The following VPS13B variants were observed in gnomAD, a reference collection of about 807,000 sequenced individuals.
VPS13B encodes the protein intermembrane lipid transfer protein VPS13B.
In VPS13B, 285 loss-of-function variants were observed where a neutral mutation model predicts 426.4. The ratio of observed to expected loss-of-function variants is 0.67; its 90% CI spans 0.61 to 0.74. The LOEUF (loss-of-function observed/expected upper bound fraction) is 0.74, where lower values mean the gene tolerates loss of function less well. VPS13B is among the 30% of genes least tolerant of loss of function. VPS13B has a pLI of 0.00. For synonymous variants in VPS13B, 1,676 were observed against 1,676.4 expected (o/e 1.00, Z 0.01); for missense variants, 4,537 against 4,782.6 (o/e 0.95, Z 1.51).
intron 43 of VPS13B, 149 bp from the exon 44 acceptor site, chr8:99,809,226 G>A: frequency 1.0e-6 from 1 of 963,328 alleles, no homozygotes. Flanking sequence ...GGTGGAATAA[G>A]TTGGAAGTGG....
intron 33 of VPS13B, among the ~76,000 whole-genome samples, chr8:99,606,836 G>C (rs1422683374): frequency 6.6e-6 from 1 of 151,966 alleles, no homozygotes; most frequent in Non-Finnish European, 1.5e-5. Flanking sequence ...ATGGCTTATG[G>C]TATTCTTCCT....
Position 99,394,886 on chromosome 8 carries a change from A to G in VPS13B, c.3082+3182A>G, listed in dbSNP as rs531872511. Among the ~76,000 whole-genome samples, 37 of 152,360 alleles carry G rather than the reference A, an allele frequency of 2.4e-4. No homozygotes were observed. The Middle Eastern group carries it at 0.031, about 126-fold the overall frequency. ...AAATGAAGACATGTGATAATGATGT[A>G]GATTTGGTAGATAATACTATAAATT... On this transcript the variant is annotated intron_variant, in intron 21 of 61. Transcript: ENST00000357162.
At chr8:99,322,775 T>C (rs1588249897) in intron 19 of VPS13B, among the ~76,000 whole-genome samples, 1 of 152,166 alleles carries the variant, frequency 6.6e-6, no homozygotes, top group Non-Finnish European at 1.5e-5. Flanking sequence ...GAAGTTGGAA[T>C]GGATGCAAAG....
chr8:99,231,790 C>T (rs1816334760), intron 17 of VPS13B, among the ~76,000 whole-genome samples: 5 of 152,152 alleles, frequency 3.3e-5, no homozygotes, highest in African/African-American at 4.8e-5. Context: ...GTAAATTTAA[C>T]GCCCTGGGCC....
At chr8:99,416,492 G>A (rs1029841534) in intron 21 of VPS13B, among the ~76,000 whole-genome samples, 4 of 152,198 alleles carry the variant, frequency 2.6e-5, no homozygotes, top group Non-Finnish European at 5.9e-5. Flanking sequence ...AGCTAGCTCA[G>A]TGTCTGCCCA....
intron 39 of VPS13B, among the ~76,000 whole-genome samples, chr8:99,728,701 A>T (rs988874411): frequency 6.6e-6 from 1 of 152,218 alleles, no homozygotes; most frequent in African/African-American, 2.4e-5. Context: ...CCCCACAGTT[A>T]TGGTTAGTGG....
chr8:99,199,226 G>C (rs1814142999), intron 17 of VPS13B, among the ~76,000 whole-genome samples: 1 of 152,076 alleles, frequency 6.6e-6, no homozygotes, highest in African/African-American at 2.4e-5. Context: ...CTGTCACCCA[G>C]GCTAGAGTGC....
chr8:99,587,280 CAT>C (rs1471289449), intron 33 of VPS13B, among the ~76,000 whole-genome samples: 1 of 152,192 alleles, frequency 6.6e-6, no homozygotes, highest in Non-Finnish European at 1.5e-5. Context: ...CCACAATAAA[CAT>C]ATGTGTGCAT....
At chr8:99,740,112 G>A (rs534558431) in intron 39 of VPS13B, among the ~76,000 whole-genome samples, 2 of 152,136 alleles carry the variant, frequency 1.3e-5, no homozygotes, top group African/African-American at 4.8e-5. Context: ...AATAACCAAT[G>A]CAGAGAAGTC....
intron 23 of VPS13B, among the ~76,000 whole-genome samples, chr8:99,446,032 T>C (rs1241909925): frequency 6.6e-6 from 1 of 152,200 alleles, no homozygotes; most frequent in East Asian, 1.9e-4. Context: ...CCAATAAAAC[T>C]TTATTTACAG....
chr8:99,787,685 A>G (rs1398350518), intron 43 of VPS13B, among the ~76,000 whole-genome samples: 1 of 152,200 alleles, frequency 6.6e-6, no homozygotes, highest in African/African-American at 2.4e-5. Flanking sequence ...TATGCAGTTC[A>G]TAGTCAAGGG....
At chr8:99,744,179 G>A (rs190022097) in intron 39 of VPS13B, among the ~76,000 whole-genome samples, 13 of 152,006 alleles carry the variant, frequency 8.6e-5, no homozygotes, top group South Asian at 2.1e-4. Flanking sequence ...GACGCTTCTC[G>A]AAAGAAGACA....
At chr8:99,163,048 G>C (rs1563576486) in intron 15 of VPS13B, among the ~76,000 whole-genome samples, 2 of 152,214 alleles carry the variant, frequency 1.3e-5, no homozygotes, top group African/African-American at 4.8e-5. Flanking sequence ...GCTAGATACA[G>C]AGTGTCAATT....
chr8:99,416,357 G>A (rs955685542), intron 21 of VPS13B, among the ~76,000 whole-genome samples: 5 of 152,266 alleles, frequency 3.3e-5, no homozygotes, highest in South Asian at 2.1e-4. Context: ...GCTGGGCTCC[G>A]TGGGGGTGGG....
At chr8:99,549,441 G>GT (rs1216362839) in intron 30 of VPS13B, among the ~76,000 whole-genome samples, 5 of 151,864 alleles carry the variant, frequency 3.3e-5, no homozygotes, top group African/African-American at 9.7e-5. Context: ...TCAAAGTAGG[G>GT]TTTTTTTTCC....
chr8:99,328,995 C>T (rs540422991), intron 19 of VPS13B, among the ~76,000 whole-genome samples: 3 of 152,128 alleles, frequency 2.0e-5, no homozygotes, highest in Non-Finnish European at 4.4e-5. Context: ...AGTTGCTCAT[C>T]TACTAAGACC....
rs986394447 is a variant in VPS13B at position 99,431,413 on chromosome 8, C to T, written c.3083-124C>T. The stretch of plus-strand genomic sequence containing the variant: ...GAGAAAATGATGTAAAATGACAATT[C>T]ATAATCTCATATAAAAATTATAATT... On this transcript the variant is annotated intron_variant, in intron 21 of 61. Coordinates refer to ENST00000357162, the MANE Select transcript of VPS13B (RefSeq NM_152564.5). 1.1e-5 allele frequency: 14 copies of T among 1,249,226 alleles called. No homozygotes were observed. In the Admixed American group the frequency reaches 2.9e-4, roughly 26 times the overall value. The allele number at this position is 1,249,226 out of a possible 1,614,324, so 77.4% of individuals were successfully genotyped here.
chr8:99,832,885 A>G (rs1424005432), intron 52 of VPS13B, among the ~76,000 whole-genome samples: 1 of 152,188 alleles, frequency 6.6e-6, no homozygotes, highest in African/African-American at 2.4e-5. Flanking sequence ...CTGGGGGGAA[A>G]TGATGGTACT....
At chr8:99,365,493 C>T (rs1206866755) in intron 19 of VPS13B, among the ~76,000 whole-genome samples, 2 of 134,088 alleles carry the variant, frequency 1.5e-5, no homozygotes, top group Non-Finnish European at 3.2e-5. Context: ...AAGAAATTTT[C>T]CAATTTTCTT....
Sources: gnomAD v4.1 joint callset for allele counts (sites outside exome capture counted in the v4.1 genomes callset) on GRCh38, gnomAD v4.1.1 for gene constraint, MANE v1.5 for transcripts, NCBI Gene and HGNC (gene_info 2026-07-23, HGNC 2026-07-21) for gene names.